CALM2: variants seen among roughly 807,000 people sequenced by gnomAD.
The protein encoded by CALM2 is calmodulin-2.
In CALM2, 2 loss-of-function variants were observed where a neutral mutation model predicts 19.8. The ratio of observed to expected loss-of-function variants is 0.10; its 90% CI spans 0.04 to 0.32. The LOEUF (loss-of-function observed/expected upper bound fraction) is 0.32, where lower values mean the gene tolerates loss of function less well. Among genes scored for constraint, CALM2 ranks in the 10% least tolerant of loss-of-function variants. CALM2 has a pLI of 1.00. For missense variants in CALM2, 38 were observed against 178.7 expected (o/e 0.21, Z 4.49); for synonymous variants, 51 against 52.1 (o/e 0.98, Z 0.09).
intron 1 of CALM2, 57 bp downstream of exon 1, chr2:47,176,384 T>C: frequency 1.2e-6 from 2 of 1,603,900 alleles, no homozygotes; most frequent in South Asian, 1.1e-5. Flanking sequence ...TTTAGTCAGT[T>C]CGCTCCAGTC....
chr2:47,168,505 G>A (rs577292518), intron 2 of CALM2, among the ~76,000 whole-genome samples: 2 of 152,208 alleles, frequency 1.3e-5, no homozygotes, highest in South Asian at 4.2e-4. Context: ...TTAGGAGGCT[G>A]AGGCGGGTGG....
At chr2:47,173,699 G>T (rs984010407) in intron 1 of CALM2, 2 of 152,160 alleles carry the variant, frequency 1.3e-5, no homozygotes, top group African/African-American at 4.8e-5. Flanking sequence ...GAAATGGAAC[G>T]CAAACTGCTA....
intron 2 of CALM2, 87 bp downstream of exon 2, chr2:47,170,647 T>C (rs894864748): frequency 2.0e-6 from 2 of 1,023,430 alleles, no homozygotes; most frequent in Non-Finnish European, 3.1e-6. Context: ...CAAAGTCAAT[T>C]ATTTCATACA....
At chr2:47,169,014 G>C (rs1159373721) in intron 2 of CALM2, among the ~76,000 whole-genome samples, 7 of 152,230 alleles carry the variant, frequency 4.6e-5, no homozygotes, top group African/African-American at 1.7e-4. Flanking sequence ...CTGACCTCAA[G>C]TGATCCGCCT....
intron 1 of CALM2, chr2:47,172,396 A>G: frequency 1.6e-6 from 1 of 616,828 alleles, no homozygotes; most frequent in South Asian, 1.5e-5. Context: ...TTTGTAGCAC[A>G]AGAATAACAA....
chr2:47,162,665 G>A lies in CALM2; in HGVS notation c.35-3C>T, dbSNP rs747792544. On this transcript the variant is annotated splice_polypyrimidine_tract_variant and splice_region_variant and intron_variant, in intron 2 of 5. Coordinates refer to ENST00000272298, the MANE Select transcript of CALM2 (RefSeq NM_001743.6). ...TAGTGAAAAAGCTTCTTTGAATTCT[G>A]TTTGAAAGAAAGACCACAATCCAAA... The A allele has an allele frequency of 1.3e-6, 2 of 1,587,680 alleles. No individual in the cohort carries two copies. Among genetic ancestry groups the A allele is most frequent in the African/African-American group, 1.4e-5 (1 of 73,574 alleles).
At chr2:47,175,818 C>T (rs1195947923) in intron 1 of CALM2, among the ~76,000 whole-genome samples, 4 of 148,072 alleles carry the variant, frequency 2.7e-5, no homozygotes, top group Non-Finnish European at 3.0e-5. Flanking sequence ...GGCGCTCGCC[C>T]GCCCCGCCCC....
intron 2 of CALM2, among the ~76,000 whole-genome samples, chr2:47,165,684 A>G (rs571649012): frequency 1.3e-5 from 2 of 152,254 alleles, no homozygotes; most frequent in South Asian, 4.1e-4. Context: ...ATACCCACTT[A>G]CAACGAAGAT....
At chr2:47,175,592 A>G (rs891102727) in intron 1 of CALM2, among the ~76,000 whole-genome samples, 1 of 152,152 alleles carries the variant, frequency 6.6e-6, no homozygotes, top group African/African-American at 2.4e-5. Flanking sequence ...TTTTTAAAGC[A>G]TCCGGCCTGG....
intron 2 of CALM2, among the ~76,000 whole-genome samples, chr2:47,164,347 AACAC>A (rs61085424): frequency 0.084 from 11,654 of 139,410 alleles, 553 homozygotes; most frequent in Non-Finnish European, 0.1. Context: ...TCTCTACTAA[AACAC>A]ACACACACAC....
intron 1 of CALM2, among the ~76,000 whole-genome samples, chr2:47,174,823 A>C (rs1666793870): frequency 6.6e-6 from 1 of 152,214 alleles, no homozygotes; most frequent in South Asian, 2.1e-4. Flanking sequence ...TTAAGAAAGC[A>C]AATGTAACCA....
At chr2:47,163,758 G>C (rs1243367253) in intron 2 of CALM2, 2 of 152,088 alleles carry the variant, frequency 1.3e-5, no homozygotes, top group Admixed American at 1.3e-4. Context: ...TACATCACTA[G>C]ATTACATGGA....
At chr2:47,175,081 G>T (rs79233485) in intron 1 of CALM2, among the ~76,000 whole-genome samples, 64 of 77,938 alleles carry the variant, frequency 8.2e-4, no homozygotes, top group African/African-American at 1.0e-3. Context: ...CTCATTAGGT[G>T]TTTTTTTTTT....
intron 1 of CALM2, chr2:47,172,513 A>G (rs1666704036): frequency 3.3e-6 from 4 of 1,203,732 alleles, no homozygotes; most frequent in African/African-American, 1.6e-5. Context: ...AGAACCTACA[A>G]TGTTAAATAT....
intron 1 of CALM2, 121 bp downstream of exon 1, chr2:47,176,320 A>T (rs377489526): frequency 8.0e-6 from 10 of 1,248,698 alleles, no homozygotes; most frequent in African/African-American, 6.0e-5. Flanking sequence ...CTTTCGCGCC[A>T]TCCCTCTGGC....
At chr2:47,171,222 C>T (rs1374768268) in intron 1 of CALM2, 1 of 155,394 alleles carries the variant, frequency 6.4e-6, no homozygotes, top group African/African-American at 2.4e-5. Context: ...ACCCAGCAGG[C>T]AAAATGCAAA....
chr2:47,175,887 C>T (rs1039786686), intron 1 of CALM2, among the ~76,000 whole-genome samples: 1 of 148,622 alleles, frequency 6.7e-6, no homozygotes, highest in Non-Finnish European at 1.5e-5. Context: ...CCCGCCCGCC[C>T]GCGCGCCCCC....
intron 1 of CALM2, among the ~76,000 whole-genome samples, chr2:47,175,508 A>C (rs1229869866): frequency 2.6e-5 from 4 of 152,208 alleles, no homozygotes; most frequent in African/African-American, 9.6e-5. Context: ...CAAGATGTGT[A>C]TTGCGAGGAC....
chr2:47,162,798 A>G, intron 2 of CALM2, 136 bp from the exon 3 acceptor site: 1 of 669,680 alleles, frequency 1.5e-6, no homozygotes, highest in Non-Finnish European at 2.4e-6. Context: ...CAGCCTGGCC[A>G]AACTGTAAGA....
Sources: allele counts gnomAD v4.1 joint callset (sites outside exome capture counted in the v4.1 genomes callset), GRCh38; gene constraint gnomAD v4.1.1; transcripts MANE v1.5; gene names NCBI Gene and HGNC (gene_info 2026-07-23, HGNC 2026-07-21).